Variants in DSCAM observed in about 807,000 individuals in gnomAD.
The protein encoded by DSCAM is cell adhesion molecule DSCAM.
A neutral mutation model predicts 217.7 loss-of-function variants in DSCAM; 47 were observed. The ratio of observed to expected loss-of-function variants is 0.22; its 90% confidence interval spans 0.17 to 0.28. The LOEUF (loss-of-function observed/expected upper bound fraction) is 0.28, where lower values mean the gene tolerates loss of function less well. Among genes scored for constraint, DSCAM ranks in the 10% least tolerant of loss-of-function variants. The pLI, the probability that DSCAM is intolerant of heterozygous loss-of-function variation, is 1.00. For missense variants in DSCAM, 2,080 were observed against 2,618.3 expected (o/e 0.79, Z 4.49); for synonymous variants, 1,056 against 1,015.3 (o/e 1.04, Z -0.76).
At chr21:40,062,750 T>C in intron 28 of DSCAM, 119 bp downstream of exon 28, 1 of 954,708 alleles carries the variant, frequency 1.0e-6, no homozygotes, top group Non-Finnish European at 1.5e-6. Flanking sequence ...CAGTTTTTTC[T>C]AAAAAGAAAA....
intron 3 of DSCAM, among the ~76,000 whole-genome samples, chr21:40,603,934 T>C (rs1239380027): frequency 2.7e-5 from 4 of 150,258 alleles, no homozygotes; most frequent in Non-Finnish European, 1.5e-5. Flanking sequence ...TCTTTTTTTT[T>C]TTTTTTTTTT....
chr21:40,069,304 G>A (rs533918757), intron 27 of DSCAM, among the ~76,000 whole-genome samples: 1 of 152,286 alleles, frequency 6.6e-6, no homozygotes, highest in East Asian at 1.9e-4. Flanking sequence ...CCTCTGGTTG[G>A]ATGAGGAGGC....
intron 11 of DSCAM, among the ~76,000 whole-genome samples, chr21:40,217,600 CT>C (rs1161101911): frequency 3.3e-5 from 5 of 152,156 alleles, no homozygotes. Context: ...AATGACTGAA[CT>C]AATTTACACT....
At chr21:40,758,533 A>AAAAG (rs2091298626) in intron 1 of DSCAM, among the ~76,000 whole-genome samples, 1 of 151,122 alleles carries the variant, frequency 6.6e-6, no homozygotes. Flanking sequence ...AAAAAAAAAA[A>AAAAG]GACCTAAAAC....
intron 3 of DSCAM, among the ~76,000 whole-genome samples, chr21:40,555,025 A>G (rs921022849): frequency 1.3e-5 from 2 of 152,248 alleles, no homozygotes; most frequent in African/African-American, 4.8e-5. Flanking sequence ...TTAACAAATA[A>G]AAGAATGAGT....
chr21:40,097,542 CAT>C (rs966597346), intron 20 of DSCAM, among the ~76,000 whole-genome samples: 5 of 152,024 alleles, frequency 3.3e-5, no homozygotes, highest in African/African-American at 1.2e-4. Flanking sequence ...TAAACATAAA[CAT>C]AGTAATAATA....
chr21:40,574,031 C>T (rs1008612198), intron 3 of DSCAM, among the ~76,000 whole-genome samples: 1 of 152,066 alleles, frequency 6.6e-6, no homozygotes, highest in African/African-American at 2.4e-5. Flanking sequence ...GAAAAAACTC[C>T]TGACTAGATG....
intron 27 of DSCAM, 76 bp downstream of exon 27, chr21:40,074,961 C>G: frequency 6.7e-7 from 1 of 1,499,056 alleles, no homozygotes; most frequent in Non-Finnish European, 9.0e-7. Flanking sequence ...GAGGTTTGTT[C>G]TCCAGCTGGC....
intron 1 of DSCAM, among the ~76,000 whole-genome samples, chr21:40,776,200 A>G (rs1322334431): frequency 6.6e-6 from 1 of 152,104 alleles, no homozygotes; most frequent in Non-Finnish European, 1.5e-5. Flanking sequence ...ATAAATAAAT[A>G]CCTCTAATAT....
At chr21:40,525,129 A>G (rs911863548) in intron 3 of DSCAM, among the ~76,000 whole-genome samples, 3 of 152,120 alleles carry the variant, frequency 2.0e-5, no homozygotes, top group African/African-American at 7.2e-5. Flanking sequence ...AAGGCTCATC[A>G]TAACTTTATA....
chr21:40,611,373 T>C (rs1029017450), intron 3 of DSCAM, among the ~76,000 whole-genome samples: 1 of 152,132 alleles, frequency 6.6e-6, no homozygotes, highest in African/African-American at 2.4e-5. Context: ...TCAATTTTAA[T>C]AATACTGTTA....
intron 3 of DSCAM, among the ~76,000 whole-genome samples, chr21:40,592,187 A>T (rs1026864955): frequency 5.3e-5 from 8 of 152,172 alleles, no homozygotes; most frequent in Non-Finnish European, 1.0e-4. Context: ...GCATATATAA[A>T]ATGTTAAATT....
At chr21:40,790,122 G>C (rs914683588) in intron 1 of DSCAM, among the ~76,000 whole-genome samples, 3 of 151,938 alleles carry the variant, frequency 2.0e-5, no homozygotes, top group Non-Finnish European at 4.4e-5. Context: ...GGAGCTCACA[G>C]GAGCCATACA....
At chr21:40,731,471 T>A (rs2146525738) in intron 1 of DSCAM, among the ~76,000 whole-genome samples, 1 of 152,274 alleles carries the variant, frequency 6.6e-6, no homozygotes, top group Admixed American at 6.5e-5. Flanking sequence ...CAAAATACCA[T>A]AAGCCAGGTG....
intron 11 of DSCAM, among the ~76,000 whole-genome samples, chr21:40,225,774 C>A (rs183853487): frequency 7.2e-5 from 11 of 152,100 alleles, no homozygotes; most frequent in African/African-American, 2.4e-4. Flanking sequence ...TTTCCCCAGG[C>A]CTCAGAGCCT....
At chr21:40,783,920 T>C (rs1371351378) in intron 1 of DSCAM, among the ~76,000 whole-genome samples, 2 of 152,036 alleles carry the variant, frequency 1.3e-5, no homozygotes, top group African/African-American at 4.8e-5. Flanking sequence ...TTTAAAAAAT[T>C]GGAAAGGTCA....
intron 3 of DSCAM, among the ~76,000 whole-genome samples, chr21:40,441,390 A>C (rs1376671802): frequency 6.6e-6 from 1 of 152,214 alleles, no homozygotes; most frequent in African/African-American, 2.4e-5. Context: ...ATGTGCCTCT[A>C]ACAAGCAGGA....
At chr21:40,436,906 TAA>T (rs2075588103) in intron 3 of DSCAM, among the ~76,000 whole-genome samples, 1 of 152,218 alleles carries the variant, frequency 6.6e-6, no homozygotes. Context: ...GGGTGTTTAA[TAA>T]GTTATTGTAA....
rs971892564 is a variant in DSCAM at position 40,495,040 on chromosome 21, G to A, written c.509-125795C>T. On this transcript the variant is annotated intron_variant, in intron 3 of 32. Coordinates refer to ENST00000400454, the MANE Select transcript of DSCAM (RefSeq NM_001389.5). ...ATACAACTTACCAAGACTGAATCAT[G>A]AATATAACAATCTGAATAGATCAGA... Among the ~76,000 whole-genome samples, 9 of 152,210 alleles carry A rather than the reference G, an allele frequency of 5.9e-5. No homozygotes were observed. In the South Asian group the frequency reaches 1.9e-3, roughly 32 times the overall value.
Sources: gnomAD v4.1 joint callset for allele counts (sites outside exome capture counted in the v4.1 genomes callset) on GRCh38, gnomAD v4.1.1 for gene constraint, MANE v1.5 for transcripts, NCBI Gene and HGNC (gene_info 2026-07-23, HGNC 2026-07-21) for gene names.